FSTL5: variants seen among roughly 807,000 people sequenced by gnomAD.
FSTL5 encodes the protein follistatin like 5.
FSTL5 carries 62 observed loss-of-function variants against 89.1 expected under a neutral mutation model. The observed-to-expected ratio is 0.70, with a 90% CI of 0.57 to 0.86. FSTL5 has a LOEUF of 0.86. FSTL5 is among the 40% of genes least tolerant of loss of function. The pLI is 0.00. For synonymous variants in FSTL5, 383 were observed against 346.2 expected (o/e 1.11, Z -1.18); for missense variants, 1,057 against 1,001.6 (o/e 1.06, Z -0.75).
intron 6 of FSTL5, among the ~76,000 whole-genome samples, chr4:161,744,359 G>A (rs1453176909): frequency 6.6e-6 from 1 of 152,060 alleles, no homozygotes; most frequent in African/African-American, 2.4e-5. Context: ...GCTGAGATGA[G>A]TTGTACCATC....
At chr4:161,792,334 C>A (rs1029076503) in intron 4 of FSTL5, among the ~76,000 whole-genome samples, 3 of 152,030 alleles carry the variant, frequency 2.0e-5, no homozygotes, top group Non-Finnish European at 2.9e-5. Context: ...GGACTCTAGG[C>A]GCCCCGCAGC....
intron 8 of FSTL5, among the ~76,000 whole-genome samples, chr4:161,551,674 T>G (rs1732218474): frequency 6.6e-6 from 1 of 152,008 alleles, no homozygotes; most frequent in South Asian, 2.1e-4. Flanking sequence ...CCCTCAGAAA[T>G]AATGCCGCAT....
At chr4:161,738,579 A>G (rs1739899299) in intron 6 of FSTL5, among the ~76,000 whole-genome samples, 1 of 152,108 alleles carries the variant, frequency 6.6e-6, no homozygotes, top group African/African-American at 2.4e-5. Context: ...GATAATTAAT[A>G]CAATAAACTG....
At chr4:161,522,034 C>G (rs910066327) in intron 10 of FSTL5, among the ~76,000 whole-genome samples, 3 of 151,922 alleles carry the variant, frequency 2.0e-5, no homozygotes, top group African/African-American at 7.3e-5. Flanking sequence ...TGCCTGTTCT[C>G]CCCTAGTCCT....
chr4:161,919,785 G>T (rs1356383104), intron 4 of FSTL5, among the ~76,000 whole-genome samples: 2 of 151,138 alleles, frequency 1.3e-5, no homozygotes, highest in African/African-American at 4.9e-5. Flanking sequence ...TATTTATGTG[G>T]CATGTAAAAA....
chr4:161,688,525 A>T (rs1737819035), intron 6 of FSTL5, among the ~76,000 whole-genome samples: 1 of 152,218 alleles, frequency 6.6e-6, no homozygotes, highest in Non-Finnish European at 1.5e-5. Context: ...GCCAGTCCTT[A>T]TTCAATGGAA....
At chr4:161,761,718 C>A (rs960306299) in intron 5 of FSTL5, among the ~76,000 whole-genome samples, 1 of 152,156 alleles carries the variant, frequency 6.6e-6, no homozygotes, top group Non-Finnish European at 1.5e-5. Flanking sequence ...TTAAGCTGGG[C>A]AGGCCATTTT....
At chr4:161,726,581 A>T (rs577137617) in intron 6 of FSTL5, among the ~76,000 whole-genome samples, 1 of 152,214 alleles carries the variant, frequency 6.6e-6, no homozygotes, top group African/African-American at 2.4e-5. Flanking sequence ...TCACATGTGC[A>T]TTATGCACAC....
chr4:161,594,983 T>A (rs903872738), intron 7 of FSTL5, among the ~76,000 whole-genome samples: 3 of 151,896 alleles, frequency 2.0e-5, no homozygotes, highest in Non-Finnish European at 4.4e-5. Context: ...AGTAACTTGG[T>A]TGAGGTCACC....
At position 161,559,797 on chromosome 4, in the gene FSTL5, T is replaced by C. The variant is rs1041682245; in HGVS notation, c.1016-17104A>G. ...TGAGAAATGTATTGGTAGGTGATGT[T>C]GTCACCATGGGAAGCTCATTCTGTA... On this transcript the variant is annotated intron_variant, in intron 8 of 15. Coordinates refer to ENST00000306100, the MANE Select transcript of FSTL5 (RefSeq NM_020116.5). 6.6e-5 allele frequency among the ~76,000 whole-genome samples: 10 copies of C among 151,932 alleles called. No individual in the cohort carries two copies. In the South Asian group the frequency reaches 1.2e-3, roughly 19 times the overall value.
At chr4:162,135,090 T>C (rs959385810) in intron 1 of FSTL5, among the ~76,000 whole-genome samples, 6 of 152,160 alleles carry the variant, frequency 3.9e-5, no homozygotes, top group Admixed American at 6.5e-5. Context: ...ATAGTACAAG[T>C]GGAGTTTCTG....
At chr4:162,048,100 G>A (rs1455039789) in intron 2 of FSTL5, among the ~76,000 whole-genome samples, 2 of 152,076 alleles carry the variant, frequency 1.3e-5, no homozygotes, top group African/African-American at 4.8e-5. Flanking sequence ...GCTGAAGCAG[G>A]ACTATCACTT....
chr4:161,487,365 G>A (rs986187187), intron 12 of FSTL5, among the ~76,000 whole-genome samples: 3 of 152,084 alleles, frequency 2.0e-5, no homozygotes, highest in Non-Finnish European at 4.4e-5. Flanking sequence ...ATCAAAATGT[G>A]GTCTGTAAAC....
intron 1 of FSTL5, among the ~76,000 whole-genome samples, chr4:162,148,681 T>C (rs917156032): frequency 6.6e-6 from 1 of 152,208 alleles, no homozygotes; most frequent in African/African-American, 2.4e-5. Context: ...GATTATTGTG[T>C]TAATCTTACA....
intron 7 of FSTL5, among the ~76,000 whole-genome samples, chr4:161,650,553 TG>T: frequency 6.6e-6 from 1 of 152,266 alleles, no homozygotes; most frequent in Non-Finnish European, 1.5e-5. Flanking sequence ...AATAATATTT[TG>T]GGGAGCTTTA....
In FSTL5 at chr4:161,386,431, A is replaced by G. The variant is rs1730649093; in HGVS notation, c.1860T>C (p.His620=). 6.2e-7 allele frequency: 1 copy of G among 1,609,596 alleles called. No individual in the cohort carries two copies. Among genetic ancestry groups the G allele is most frequent in the Non-Finnish European group, 8.5e-7 (1 of 1,177,678 alleles). The change falls in exon 16 of 16, where the codon CAT becomes CAC. Residue 620 remains histidine, a synonymous_variant. Transcript: ENST00000306100. Reference sequence around the variant, plus strand: ...TTTTTTGTAGTGCAGCTTCATCTTTATGAAGAATAAATCCAAACCTGAAAA... The same window carrying G: ...TTTTTTGTAGTGCAGCTTCATCTTTGTGAAGAATAAATCCAAACCTGAAAA... ...ITHMRFGFIL[H]KDEAALQKID...
chr4:161,389,469 T>C (rs1730748431), intron 15 of FSTL5, among the ~76,000 whole-genome samples: 1 of 152,170 alleles, frequency 6.6e-6, no homozygotes, highest in African/African-American at 2.4e-5. Flanking sequence ...AAGTAGTTTA[T>C]TATAAAGTTC....
chr4:162,152,755 C>T (rs1733278233), intron 1 of FSTL5, among the ~76,000 whole-genome samples: 1 of 151,730 alleles, frequency 6.6e-6, no homozygotes. Context: ...ATGTGAAGTT[C>T]TGAACAAACA....
At chr4:162,029,041 G>A (rs577704249) in intron 3 of FSTL5, among the ~76,000 whole-genome samples, 16 of 152,128 alleles carry the variant, frequency 1.1e-4, no homozygotes, top group South Asian at 2.1e-4. Flanking sequence ...TACATTAGGC[G>A]ATTTTCAGTG....
Sources: allele counts gnomAD v4.1 joint callset (sites outside exome capture counted in the v4.1 genomes callset), GRCh38; gene constraint gnomAD v4.1.1; transcripts MANE v1.5; gene names NCBI Gene and HGNC (gene_info 2026-07-23, HGNC 2026-07-21).